Variants in XPA observed in about 807,000 individuals in gnomAD.
XPA encodes XPA, DNA damage recognition and repair factor, also known as DNA repair protein complementing XP-A cells.
Under a neutral mutation model 35.7 loss-of-function variants are expected in XPA, and 27 were observed. That is an observed-to-expected ratio of 0.76 (90% CI 0.56 to 1.04). XPA has a LOEUF of 1.04. Among genes scored for constraint, XPA ranks in the 50% least tolerant of loss-of-function variants. The pLI is 0.00. For missense variants in XPA, 354 were observed against 342.7 expected (o/e 1.03, Z -0.26); for synonymous variants, 133 against 118.4 (o/e 1.12, Z -0.80).
At chr9:97,684,578 T>C (rs1213788529) in intron 5 of XPA, among the ~76,000 whole-genome samples, 1 of 152,240 alleles carries the variant, frequency 6.6e-6, no homozygotes, top group Non-Finnish European at 1.5e-5. Flanking sequence ...AGGGGATTGT[T>C]GGTAGGTGTG....
intron 5 of XPA, 27 bp from the exon 6 acceptor site, chr9:97,675,614 T>C (rs771556447): frequency 6.2e-7 from 1 of 1,613,736 alleles, no homozygotes; most frequent in Non-Finnish European, 8.5e-7. Context: ...AAAGTCATCT[T>C]TTCAGTGGTG....
chr9:97,684,977 G>T lies in XPA; in HGVS notation c.619C>A (p.Arg207=). 1 of 1,612,906 alleles carries T rather than the reference G, an allele frequency of 6.2e-7. No homozygotes were observed. The highest frequency in any genetic ancestry group is 8.5e-7 in the Non-Finnish European group (1 of 1,179,672). ...QEALEEAKEV[R]QENREKMKQK... is the part of the protein sequence containing the mutation. ...TTCATTTTTTCTCGGTTTTCCTGTC[G>T]GACTTCCTTTGCTTCTTCTAATGCT... The change falls in exon 5 of 6, where the codon CGA becomes AGA. Residue 207 remains arginine (R), a synonymous_variant. Coordinates refer to ENST00000375128, the MANE Select transcript of XPA (RefSeq NM_000380.4).
At chr9:97,657,830 T>C in the XPA span, among the ~76,000 whole-genome samples, 1 of 151,118 alleles carries the variant, frequency 6.6e-6, no homozygotes, top group South Asian at 2.1e-4. Context: ...ACTATGAGGA[T>C]TATTTATTTT....
At chr9:97,672,767 T>G (rs1828230626), downstream of XPA, 1 of 170,530 alleles carries the variant, frequency 5.9e-6, no homozygotes, top group Non-Finnish European at 1.2e-5. Flanking sequence ...ATGATCCACT[T>G]CTACTTATTA....
downstream of XPA, chr9:97,670,090 T>G: frequency 3.0e-6 from 1 of 330,916 alleles, no homozygotes; most frequent in South Asian, 2.6e-5. Flanking sequence ...TCCTGCCTGA[T>G]TTTTGTATTT....
the XPA span, among the ~76,000 whole-genome samples, chr9:97,661,631 T>A: frequency 6.6e-6 from 1 of 152,010 alleles, no homozygotes; most frequent in Non-Finnish European, 1.5e-5. Context: ...CTCTAAGAAA[T>A]TTGTATTATG....
At chr9:97,655,865 A>G in the XPA span, 1 of 1,367,670 alleles carries the variant, frequency 7.3e-7, no homozygotes, top group East Asian at 2.3e-5. Context: ...CTTGGAAACT[A>G]TTTGTAGTTA....
At chr9:97,654,555 A>G in the XPA span, among the ~76,000 whole-genome samples, 4 of 148,686 alleles carry the variant, frequency 2.7e-5, no homozygotes, top group African/African-American at 1.0e-4. Context: ...GTTGCCACAA[A>G]CCTTCAGTTA....
the XPA span, among the ~76,000 whole-genome samples, chr9:97,655,482 A>AT: frequency 2.0e-5 from 3 of 152,194 alleles, no homozygotes; most frequent in African/African-American, 7.2e-5. Context: ...AATAATAAAC[A>AT]TGTTAGGTGC....
At chr9:97,664,879 G>C in the XPA span, among the ~76,000 whole-genome samples, 97 of 152,268 alleles carry the variant, frequency 6.4e-4, 2 homozygotes, top group Non-Finnish European at 3.8e-4. Context: ...AGGAAAGCTT[G>C]GTGATTAACA....
Position 97,684,954 on chromosome 9 carries a change from C to G in XPA, c.642G>C (p.Met214Ile), listed in dbSNP as rs1192803547. Residue 214 changes from methionine (M) to isoleucine (I), a missense_variant, in exon 5 of 6, where the codon ATG becomes ATC. By Grantham distance (10) the Met-to-Ile change is conservative. Coordinates refer to ENST00000375128, the MANE Select transcript of XPA (RefSeq NM_000380.4). The stretch of plus-strand genomic sequence containing the variant: ...CTTTTTTATCAAATTTCTTCTGTTT[C>G]ATTTTTTCTCGGTTTTCCTGTCGGA... ...KEVRQENREK[M>I]KQKKFDKKVK... is the part of the protein sequence containing the mutation. 5 of 1,613,402 alleles carry G rather than the reference C, an allele frequency of 3.1e-6. No homozygotes were observed. Among genetic ancestry groups the G allele is most frequent in the Middle Eastern group, 3.3e-4 (2 of 6,076 alleles).
intron 2 of XPA, among the ~76,000 whole-genome samples, chr9:97,691,694 C>A (rs186224022): frequency 3.3e-5 from 5 of 151,596 alleles, no homozygotes; most frequent in Admixed American, 3.3e-4. Context: ...GCCTGGGCAA[C>A]AAGAGTGAAA....
At chr9:97,670,476 C>T (rs1356054299), downstream of XPA, among the ~76,000 whole-genome samples, 1 of 152,308 alleles carries the variant, frequency 6.6e-6, no homozygotes, top group East Asian at 1.9e-4. Flanking sequence ...TATCTTCGGA[C>T]ACTACTCCCC....
At chr9:97,658,531 G>C in the XPA span, 1 of 806,530 alleles carries the variant, frequency 1.2e-6, no homozygotes, top group Non-Finnish European at 2.1e-6. Flanking sequence ...CTTCTTGGTT[G>C]TCAGCTGAGT....
intron 5 of XPA, among the ~76,000 whole-genome samples, chr9:97,683,232 G>A (rs1828599553): frequency 6.6e-6 from 1 of 152,122 alleles, no homozygotes; most frequent in African/African-American, 2.4e-5. Flanking sequence ...CTATCACTCT[G>A]TCCTCCCTTT....
intron 5 of XPA, among the ~76,000 whole-genome samples, chr9:97,678,716 C>G (rs3176731): frequency 6.6e-6 from 1 of 152,172 alleles, no homozygotes; most frequent in Non-Finnish European, 1.5e-5. Flanking sequence ...TAGGGGGATA[C>G]AATTTCTTTT....
chr9:97,662,952 AG>A, the XPA span: 1 of 1,602,774 alleles, frequency 6.2e-7, no homozygotes. Context: ...CATTATCAAA[AG>A]GTTTCATGAA....
chr9:97,659,139 A>C, the XPA span, among the ~76,000 whole-genome samples: 2 of 152,226 alleles, frequency 1.3e-5, no homozygotes, highest in African/African-American at 4.8e-5. Flanking sequence ...GTAAATTCTT[A>C]ATTATGATTT....
At chr9:97,665,881 G>T in the XPA span, among the ~76,000 whole-genome samples, 1 of 151,824 alleles carries the variant, frequency 6.6e-6, no homozygotes, top group African/African-American at 2.4e-5. Flanking sequence ...TATTTGTGTT[G>T]TATGTGTTAT....
Sources: allele counts gnomAD v4.1 joint callset (sites outside exome capture counted in the v4.1 genomes callset), GRCh38; gene constraint gnomAD v4.1.1; transcripts MANE v1.5; gene names NCBI Gene and HGNC (gene_info 2026-07-23, HGNC 2026-07-21).